LINGO2: variants seen among roughly 807,000 people sequenced by gnomAD.
LINGO2 encodes the protein leucine-rich repeat and immunoglobulin-like domain-containing nogo receptor-interacting protein 2.
A neutral mutation model predicts 30.6 loss-of-function variants in LINGO2; 14 were observed. The observed-to-expected ratio is 0.46, with a 90% CI of 0.30 to 0.72. The LOEUF is 0.72. Ranked by LOEUF, LINGO2 falls within the 30% of genes least tolerant of loss-of-function variation. The pLI is 0.07. For missense variants in LINGO2, 729 were observed against 751.7 expected (o/e 0.97, Z 0.35); for synonymous variants, 317 against 288.5 (o/e 1.10, Z -1.00).
chr9:29,102,255 G>A, the LINGO2 span, among the ~76,000 whole-genome samples: 1 of 151,892 alleles, frequency 6.6e-6, no homozygotes, highest in Admixed American at 6.6e-5. Flanking sequence ...CTAATTTTTT[G>A]TATTTTTAGT....
the LINGO2 span, among the ~76,000 whole-genome samples, chr9:28,866,621 A>G: frequency 2.0e-5 from 3 of 152,196 alleles, no homozygotes; most frequent in Non-Finnish European, 4.4e-5. Flanking sequence ...GTGCTACACA[A>G]TATGGTACAT....
At chr9:28,904,621 C>T in the LINGO2 span, among the ~76,000 whole-genome samples, 1 of 151,702 alleles carries the variant, frequency 6.6e-6, no homozygotes, top group Non-Finnish European at 1.5e-5. Flanking sequence ...TACAAAAAAA[C>T]TTTAAAAATA....
chr9:29,089,188 CTTTA>C, the LINGO2 span, among the ~76,000 whole-genome samples: 1 of 151,386 alleles, frequency 6.6e-6, no homozygotes, highest in African/African-American at 2.4e-5. Context: ...CTATGGTGTG[CTTTA>C]TTTATATTTT....
chr9:28,712,984 G>T, the LINGO2 span, among the ~76,000 whole-genome samples: 4 of 152,026 alleles, frequency 2.6e-5, no homozygotes, highest in African/African-American at 9.7e-5. Flanking sequence ...TCCTGCCTCA[G>T]CCTCCTGAGT....
intron 1 of LINGO2, among the ~76,000 whole-genome samples, chr9:28,592,679 G>T (rs1343162361): frequency 2.6e-5 from 4 of 152,010 alleles, no homozygotes; most frequent in African/African-American, 4.8e-5. Flanking sequence ...GGAGGTATGG[G>T]TGTTATTTTT....
intron 4 of LINGO2, among the ~76,000 whole-genome samples, chr9:28,164,971 A>G (rs1276515131): frequency 6.6e-6 from 1 of 152,166 alleles, no homozygotes; most frequent in African/African-American, 2.4e-5. Context: ...GCATGACTAC[A>G]AGGCCTTTGG....
At chr9:28,673,633 C>G (rs1197399293), upstream of LINGO2, among the ~76,000 whole-genome samples, 1 of 151,966 alleles carries the variant, frequency 6.6e-6, no homozygotes, top group Non-Finnish European at 1.5e-5. Flanking sequence ...CGCCACTACA[C>G]TCCACCCTGG....
the LINGO2 span, among the ~76,000 whole-genome samples, chr9:29,055,938 G>GTATATATATATACA: frequency 1.0e-5 from 1 of 99,820 alleles, no homozygotes; most frequent in Admixed American, 9.5e-5. Flanking sequence ...GTATGTGTGT[G>GTATATATATATACA]TGTATATATA....
At position 28,200,246 on chromosome 9, in the gene LINGO2, G is replaced by C. The variant is rs80026443; in HGVS notation, c.-87+94962C>G. Among the ~76,000 whole-genome samples the C allele has an allele frequency of 1.9e-3, 288 of 152,252 alleles. 7 individuals carry two copies. The East Asian group carries it at 0.048, about 25-fold the overall frequency. ...ACTAAGATAGGTAACCTTGCCTCTGGAGTTATTTTAAGCAAAAGATAGTGT... is the reference window on the plus strand; with the variant it reads ...ACTAAGATAGGTAACCTTGCCTCTGCAGTTATTTTAAGCAAAAGATAGTGT... On this transcript the variant is annotated intron_variant, in intron 4 of 5. Coordinates refer to ENST00000379992, the Ensembl canonical transcript of LINGO2.
rs568060889 is a variant in LINGO2 at position 28,370,301 on chromosome 9, A to C, written c.-246+2535T>G. ...AACCCACATAGTCTCAGATAAATTT[A>C]AGTGATTTCTTTTGACCACCTCCTC... On this transcript the variant is annotated intron_variant, in intron 3 of 5. Transcript: ENST00000379992. Among the ~76,000 whole-genome samples, 60 of 152,252 alleles carry C rather than the reference A, an allele frequency of 3.9e-4. 1 individual carries two copies. Among genetic ancestry groups the C allele is most frequent in the African/African-American group, 1.4e-3 (59 of 41,552 alleles).
At chr9:28,001,990 T>C (rs1038577854) in intron 5 of LINGO2, among the ~76,000 whole-genome samples, 1 of 152,190 alleles carries the variant, frequency 6.6e-6, no homozygotes, top group Non-Finnish European at 1.5e-5. Flanking sequence ...AATTTGACAA[T>C]CAAGTTCATA....
rs1820234230 is a variant in LINGO2 at position 27,969,052 on chromosome 9, C to T, written c.-35-18346G>A. Among the ~76,000 whole-genome samples the T allele has an allele frequency of 3.3e-5, 5 of 151,762 alleles. No individual in the cohort carries two copies. The South Asian group carries it at 8.3e-4, about 25-fold the overall frequency. ...TAATATAATATACATGCTAATTATC[C>T]TCTTCTGAATAATTTGTATTGAAAG... On this transcript the variant is annotated intron_variant, in intron 5 of 5. Coordinates refer to ENST00000379992, the Ensembl canonical transcript of LINGO2.
intron 1 of LINGO2, among the ~76,000 whole-genome samples, chr9:28,563,777 A>T (rs72713592): frequency 0.1 from 15,844 of 152,146 alleles, 1,091 homozygotes; most frequent in African/African-American, 0.2. Context: ...TTTGGCTAAC[A>T]TACTAGGCTG....
At chr9:28,280,188 T>A (rs1348711631) in intron 4 of LINGO2, among the ~76,000 whole-genome samples, 1 of 152,104 alleles carries the variant, frequency 6.6e-6, no homozygotes, top group Non-Finnish European at 1.5e-5. Context: ...GCGGAAAAAT[T>A]ACATTTATGA....
At chr9:28,807,135 C>T in the LINGO2 span, among the ~76,000 whole-genome samples, 1 of 152,000 alleles carries the variant, frequency 6.6e-6, no homozygotes, top group Admixed American at 6.6e-5. Context: ...CACCATCCTC[C>T]TGCCTTAGCC....
At chr9:28,280,999 A>G (rs796897610) in intron 4 of LINGO2, among the ~76,000 whole-genome samples, 21 of 152,292 alleles carry the variant, frequency 1.4e-4, no homozygotes, top group African/African-American at 5.1e-4. Context: ...AATATTTATT[A>G]TGATCATTTG....
At chr9:28,470,288 T>C (rs889337200) in intron 2 of LINGO2, among the ~76,000 whole-genome samples, 4 of 152,210 alleles carry the variant, frequency 2.6e-5, no homozygotes, top group African/African-American at 9.6e-5. Flanking sequence ...AAAAACGTAT[T>C]TGAATTTTGC....
the LINGO2 span, among the ~76,000 whole-genome samples, chr9:28,833,258 A>G: frequency 6.6e-6 from 1 of 152,138 alleles, no homozygotes; most frequent in African/African-American, 2.4e-5. Flanking sequence ...TTTGTAGTAC[A>G]TGGGTTCTTA....
chr9:27,971,159 AC>A (rs1486822212), intron 5 of LINGO2, among the ~76,000 whole-genome samples: 11 of 151,958 alleles, frequency 7.2e-5, no homozygotes, highest in Non-Finnish European at 1.5e-4. Context: ...TTCACAATAA[AC>A]ATACTAAACG....
Sources: allele counts gnomAD v4.1 joint callset (sites outside exome capture counted in the v4.1 genomes callset), GRCh38; gene constraint gnomAD v4.1.1; transcripts MANE v1.5; gene names NCBI Gene and HGNC (gene_info 2026-07-23, HGNC 2026-07-21).